Variants in EXOC6B observed in about 807,000 individuals in gnomAD.
EXOC6B encodes the protein exocyst complex component 6B, also known as SEC15 homolog B.
Under a neutral mutation model 113.5 loss-of-function variants are expected in EXOC6B, and 54 were observed. The ratio of observed to expected loss-of-function variants is 0.48; its 90% CI spans 0.38 to 0.60. The LOEUF (loss-of-function observed/expected upper bound fraction) is 0.60. EXOC6B is among the 20% of genes least tolerant of loss of function. EXOC6B has a pLI of 0.00. For missense variants in EXOC6B, 797 were observed against 977.5 expected (o/e 0.82, Z 2.46); for synonymous variants, 357 against 339.0 (o/e 1.05, Z -0.58).
chr2:72,355,840 T>C (rs1689943822), intron 19 of EXOC6B, among the ~76,000 whole-genome samples: 1 of 152,216 alleles, frequency 6.6e-6, no homozygotes, highest in Admixed American at 6.5e-5. Context: ...ATAAATTCTC[T>C]AACAAAAGGG....
chr2:72,498,687 A>G, intron 12 of EXOC6B, 136 bp from the exon 13 acceptor site: 1 of 588,742 alleles, frequency 1.7e-6, no homozygotes, highest in Non-Finnish European at 3.0e-6. Flanking sequence ...AAATAAAACC[A>G]TTTAGTAGAA....
intron 19 of EXOC6B, among the ~76,000 whole-genome samples, chr2:72,340,313 A>AT (rs1392256613): frequency 2.0e-5 from 3 of 152,220 alleles, no homozygotes; most frequent in Non-Finnish European, 2.9e-5. Flanking sequence ...GTGAGAAAAA[A>AT]TATAAAGCTA....
chr2:72,593,947 G>A (rs1368930213), intron 6 of EXOC6B, among the ~76,000 whole-genome samples: 3 of 152,126 alleles, frequency 2.0e-5, no homozygotes, highest in African/African-American at 7.2e-5. Flanking sequence ...TCGTTCCCTA[G>A]TAAATTCTAT....
chr2:72,441,503 A>G (rs1277109336), intron 18 of EXOC6B, among the ~76,000 whole-genome samples: 1 of 152,144 alleles, frequency 6.6e-6, no homozygotes, highest in Non-Finnish European at 1.5e-5. Flanking sequence ...AACTAGAATA[A>G]TAAAGAAGAA....
In EXOC6B at chr2:72,176,755, C is replaced by G. The variant is rs1241094920; in HGVS notation, c.*2580G>C. On this transcript the variant is annotated 3_prime_UTR_variant, in exon 22 of 22. Transcript: ENST00000272427. ...TTCAGGAATATAGACCTGGTTTCCT[C>G]AAGAACTTGGCCAAGGGTTCATCCT... is the stretch of plus-strand genomic sequence containing the variant. The G allele has an allele frequency of 6.6e-6, 1 of 152,226 alleles. No homozygotes were observed. Among genetic ancestry groups the G allele is most frequent in the Non-Finnish European group, 1.5e-5 (1 of 68,046 alleles). The allele number at this position is 152,226 out of a possible 1,614,324, so 9.4% of individuals were successfully genotyped here. A position where few individuals can be genotyped will look rare whatever the true frequency, so the allele number is the denominator to read the frequency against.
Position 72,176,459 on chromosome 2 carries a change from G to A in EXOC6B, c.*2876C>T, listed in dbSNP as rs144092918. On this transcript the variant is annotated 3_prime_UTR_variant, in exon 22 of 22. Transcript: ENST00000272427. The stretch of plus-strand genomic sequence containing the variant: ...AAAGGCCGTGGGTCTGGGACTTGCT[G>A]AGTAAGCACTTGTCAAGTGTACAGT... 2 of 152,364 alleles carry A rather than the reference G, an allele frequency of 1.3e-5. No individual in the cohort carries two copies. The highest frequency in any genetic ancestry group is 4.8e-5 in the African/African-American group (2 of 41,560). 9.4% of individuals were successfully genotyped at this position (152,364 alleles called of 1,614,324 possible).
intron 20 of EXOC6B, among the ~76,000 whole-genome samples, chr2:72,216,175 G>A (rs1019717973): frequency 1.3e-5 from 2 of 151,704 alleles, no homozygotes; most frequent in Non-Finnish European, 2.9e-5. Flanking sequence ...AAACTTCTGG[G>A]GTAGAGACAC....
rs1674145294 is a variant in EXOC6B at position 72,651,228 on chromosome 2, AC to A, written c.669+66874del. ...AGTTAAATTCTGTGCTAAAAATCTT[AC>A]TGTTAGGAAATGGTAGAGCCAGGAC... On this transcript the variant is annotated intron_variant, in intron 6 of 21. Coordinates refer to ENST00000272427, the MANE Select transcript of EXOC6B (RefSeq NM_015189.3). Among the ~76,000 whole-genome samples, 5 of 152,220 alleles carry A rather than the reference AC, an allele frequency of 3.3e-5. No individual in the cohort carries two copies. In the South Asian group the frequency reaches 1.0e-3, roughly 31 times the overall value.
chr2:72,783,968 T>C (rs538061822), intron 1 of EXOC6B, among the ~76,000 whole-genome samples: 33 of 152,348 alleles, frequency 2.2e-4, no homozygotes, highest in African/African-American at 7.0e-4. Context: ...AGTTGCTTTA[T>C]AGTTTCAGGT....
At chr2:72,234,275 G>A (rs796546419) in intron 20 of EXOC6B, among the ~76,000 whole-genome samples, 11 of 151,860 alleles carry the variant, frequency 7.2e-5, no homozygotes, top group African/African-American at 1.9e-4. Flanking sequence ...TAGTAGAGAC[G>A]GGTTTCACCA....
Position 72,657,146 on chromosome 2 carries a change from T to G in EXOC6B, c.669+60957A>C, listed in dbSNP as rs550993325. Among the ~76,000 whole-genome samples the G allele has an allele frequency of 1.8e-3, 267 of 151,904 alleles. 1 individual carries two copies. Among genetic ancestry groups the G allele is most frequent in the African/African-American group, 6.0e-3 (250 of 41,464 alleles). Reference sequence around the variant, plus strand: ...GATTACAGGTGTGAGCCACCGTGCCTGGCCAACTTAACTTATTTTTTAAGA... The same window carrying G: ...GATTACAGGTGTGAGCCACCGTGCCGGGCCAACTTAACTTATTTTTTAAGA... On this transcript the variant is annotated intron_variant, in intron 6 of 21. Coordinates refer to ENST00000272427, the MANE Select transcript of EXOC6B (RefSeq NM_015189.3).
At position 72,503,162 on chromosome 2, in the gene EXOC6B, C is replaced by T. The variant is rs560399271; in HGVS notation, c.1168-3190G>A. Among the ~76,000 whole-genome samples the T allele has an allele frequency of 2.3e-3, 351 of 152,000 alleles. 1 individual carries two copies. The highest frequency in any genetic ancestry group is 7.9e-3 in the African/African-American group (329 of 41,438). On this transcript the variant is annotated intron_variant, in intron 11 of 21. Transcript: ENST00000272427. ...ATTATATAACAATTGTACTGTGGTA[C>T]AATTAATAACTGATGAGCCAATATC...
chr2:72,596,117 G>C (rs1409729443), intron 6 of EXOC6B, among the ~76,000 whole-genome samples: 2 of 152,156 alleles, frequency 1.3e-5, no homozygotes, highest in Admixed American at 6.5e-5. Context: ...AGTATAAAAA[G>C]CCAAGGTGGA....
intron 1 of EXOC6B, among the ~76,000 whole-genome samples, chr2:72,802,393 A>G (rs1004185997): frequency 1.3e-5 from 2 of 151,894 alleles, no homozygotes; most frequent in African/African-American, 4.8e-5. Flanking sequence ...TTGGCTAAAT[A>G]TATTGTGCAA....
At chr2:72,789,340 T>C (rs756373220) in intron 1 of EXOC6B, among the ~76,000 whole-genome samples, 1 of 152,176 alleles carries the variant, frequency 6.6e-6, no homozygotes, top group African/African-American at 2.4e-5. Flanking sequence ...CTTTTGACTC[T>C]TCCTCTACCT....
intron 18 of EXOC6B, among the ~76,000 whole-genome samples, chr2:72,406,466 C>T (rs1693772467): frequency 6.6e-6 from 1 of 152,162 alleles, no homozygotes; most frequent in African/African-American, 2.4e-5. Flanking sequence ...AAGCACTCCT[C>T]AGCAAATGTA....
chr2:72,301,573 G>T (rs765738002), intron 20 of EXOC6B, among the ~76,000 whole-genome samples: 28 of 152,130 alleles, frequency 1.8e-4, no homozygotes, highest in Non-Finnish European at 3.7e-4. Context: ...GTTCAGGTTT[G>T]GGAGGGTGTA....
intron 17 of EXOC6B, among the ~76,000 whole-genome samples, chr2:72,472,507 A>G (rs974583179): frequency 1.3e-5 from 2 of 152,134 alleles, no homozygotes; most frequent in Admixed American, 6.6e-5. Context: ...TGTTCATAAC[A>G]GTCCCTGATG....
intron 20 of EXOC6B, among the ~76,000 whole-genome samples, chr2:72,232,077 G>A (rs1681659455): frequency 2.6e-5 from 4 of 152,062 alleles, no homozygotes; most frequent in Admixed American, 6.6e-5. Flanking sequence ...AGGTTCAAGC[G>A]ATTCTCCTGC....
Sources: gnomAD v4.1 joint callset for allele counts (sites outside exome capture counted in the v4.1 genomes callset) on GRCh38, gnomAD v4.1.1 for gene constraint, MANE v1.5 for transcripts, NCBI Gene and HGNC (gene_info 2026-07-23, HGNC 2026-07-21) for gene names.